Variants in FAM216B observed in about 807,000 individuals in gnomAD.
The protein encoded by FAM216B is protein FAM216B.
In FAM216B, 11 loss-of-function variants were observed where a neutral mutation model predicts 12.9. The observed-to-expected ratio is 0.86, with a 90% CI of 0.54 to 1.42. The LOEUF is 1.42. Among genes scored for constraint, FAM216B ranks in the 40% most tolerant of loss-of-function variants. The pLI is 0.00. For missense variants in FAM216B, 167 were observed against 162.9 expected (o/e 1.02, Z -0.14); for synonymous variants, 52 against 57.2 (o/e 0.91, Z 0.41).
rs1352313190 is a variant in FAM216B at position 42,789,820 on chromosome 13, C to G, written c.*1030C>G. The G allele has an allele frequency of 6.6e-6, 1 of 152,084 alleles. No homozygotes were observed. Among genetic ancestry groups the G allele is most frequent in the Non-Finnish European group, 1.5e-5 (1 of 68,024 alleles). The allele number at this position is 152,084 out of a possible 1,614,324, so 9.4% of individuals were successfully genotyped here. The stretch of plus-strand genomic sequence containing the variant: ...ATAAATTTTATTGACAAGGGATGTG[C>G]TAACATTGATCTGAAAGGAATATGC... On this transcript the variant is annotated 3_prime_UTR_variant, in exon 4 of 4. Coordinates refer to ENST00000313851, the MANE Select transcript of FAM216B (RefSeq NM_001318932.2).
intron 1 of FAM216B, among the ~76,000 whole-genome samples, chr13:42,783,710 A>C (rs576207373): frequency 6.6e-6 from 1 of 152,232 alleles, no homozygotes; most frequent in South Asian, 2.1e-4. Flanking sequence ...AGATATGAAA[A>C]TCAATATTAT....
rs1873958431 is a variant in FAM216B, at chr13:42,784,014, C to G, written c.-14-40C>G. ...AAGTACATCCCCAAAATTGGTTGAG[C>G]TAAAAGAAATTTTATGCTATGCTTT... On this transcript the variant is annotated intron_variant, in intron 1 of 3. Transcript: ENST00000313851. The G allele has an allele frequency of 4.9e-6, 7 of 1,428,788 alleles. No individual in the cohort carries two copies. The South Asian group carries it at 6.6e-5, about 14-fold the overall frequency. The allele number at this position is 1,428,788 out of a possible 1,614,324, so 88.5% of individuals were successfully genotyped here.
chr13:42,783,340 G>T (rs1873932383), intron 1 of FAM216B, among the ~76,000 whole-genome samples: 2 of 151,960 alleles, frequency 1.3e-5, no homozygotes, highest in East Asian at 3.9e-4. Flanking sequence ...ACAAATAAAA[G>T]GAAATCAACC....
At position 42,790,364 on chromosome 13, in the gene FAM216B, A is replaced by G. The variant is rs969935438; in HGVS notation, c.*1574A>G. 6.6e-6 allele frequency: 1 copy of G among 151,668 alleles called. No homozygotes were observed. Among genetic ancestry groups the G allele is most frequent in the African/African-American group, 2.4e-5 (1 of 41,260 alleles). The allele number at this position is 151,668 out of a possible 1,614,324, so 9.4% of individuals were successfully genotyped here. A position where few individuals can be genotyped will look rare whatever the true frequency, so the allele number is the denominator to read the frequency against. ...GATGAGCATAGGTATTTGCTGTGTA[A>G]GCCTTATCTAGTGATGCAGAATATC... On this transcript the variant is annotated 3_prime_UTR_variant, in exon 4 of 4. Coordinates refer to ENST00000313851, the MANE Select transcript of FAM216B (RefSeq NM_001318932.2).
At chr13:42,784,475 C>G (rs1873990042) in intron 2 of FAM216B, among the ~76,000 whole-genome samples, 1 of 151,622 alleles carries the variant, frequency 6.6e-6, no homozygotes, top group South Asian at 2.1e-4. Flanking sequence ...GCTGTTAGTT[C>G]CTTTTGGTCA....
In FAM216B at chr13:42,784,141, C is replaced by CCAT; in HGVS notation, c.76_78dup (p.Ile26dup). ...CTTCCTTTTATTCGAGTTCCTCCCT[C>CCAT]CATCTATGACACTTCCTTACTAAAG... On this transcript the variant is annotated inframe_insertion, in exon 2 of 4. Transcript: ENST00000313851. 4 of 1,563,098 alleles carry CCAT rather than the reference C, an allele frequency of 2.6e-6. No individual in the cohort carries two copies. The highest frequency in any genetic ancestry group is 3.5e-6 in the Non-Finnish European group (4 of 1,147,020).
Position 42,788,960 on chromosome 13 carries a change from G to C in FAM216B, c.*170G>C. ...TTGCCAGCAAGACCAAGAGGTTTAA[G>C]AGCAATGGAGCCGAGAGTAAGCAAG... On this transcript the variant is annotated 3_prime_UTR_variant, in exon 4 of 4. Coordinates refer to ENST00000313851, the MANE Select transcript of FAM216B (RefSeq NM_001318932.2). The C allele has an allele frequency of 3.4e-6, 2 of 585,104 alleles. No homozygotes were observed. The allele number at this position is 585,104 out of a possible 1,614,324, so 36.2% of individuals were successfully genotyped here. A position where few individuals can be genotyped will look rare whatever the true frequency, so the allele number is the denominator to read the frequency against.
chr13:42,786,772 C>A lies in FAM216B; in HGVS notation c.109C>A (p.Gln37Lys). The A allele has an allele frequency of 6.2e-7, 1 of 1,613,966 alleles. No homozygotes were observed. The highest frequency in any genetic ancestry group is 8.5e-7 in the Non-Finnish European group (1 of 1,179,910). ...YDTSLLKALNQGQQRYFYSIM... is the reference protein window; with the variant it reads ...YDTSLLKALNKGQQRYFYSIM... ...TGTTCTGTTCCAACAGGCCCTCAAC[C>A]AAGGGCAACAGCGCTACTTTTACAG... Residue 37 changes from glutamine (Q) to lysine (K), a missense_variant, in exon 3 of 4, where the codon CAA becomes AAA. By Grantham distance (53) the Gln-to-Lys change is moderately conservative. Transcript: ENST00000313851.
intron 3 of FAM216B, among the ~76,000 whole-genome samples, chr13:42,787,668 A>G (rs1206251228): frequency 2.0e-5 from 3 of 152,196 alleles, no homozygotes; most frequent in Non-Finnish European, 4.4e-5. Flanking sequence ...AGTGCTTTTT[A>G]AACAAAAATC....
chr13:42,784,998 C>A (rs1235966937), intron 2 of FAM216B, among the ~76,000 whole-genome samples: 1 of 152,116 alleles, frequency 6.6e-6, no homozygotes. Flanking sequence ...TAGGCATTTT[C>A]TGCTTTGTAA....
Position 42,787,022 on chromosome 13 carries a change from G to A in FAM216B, c.220+139G>A, listed in dbSNP as rs1336861326. The stretch of plus-strand genomic sequence containing the variant: ...TTTATCAACATAGCTGGTTAGCCAA[G>A]TTTCAAAGTGCTTATTCTTGACAAT... On this transcript the variant is annotated intron_variant, in intron 3 of 3. Coordinates refer to ENST00000313851, the MANE Select transcript of FAM216B (RefSeq NM_001318932.2). 5.4e-6 allele frequency: 7 copies of A among 1,303,552 alleles called. No individual in the cohort carries two copies. In the Admixed American group the frequency reaches 1.3e-4, roughly 23 times the overall value. 80.7% of individuals were successfully genotyped at this position (1,303,552 alleles called of 1,614,324 possible).
chr13:42,787,167 G>T (rs1427959128), intron 3 of FAM216B, among the ~76,000 whole-genome samples: 19 of 152,172 alleles, frequency 1.2e-4, no homozygotes. Flanking sequence ...ATGGGTCTGG[G>T]CTTAGAAAAC....
chr13:42,784,173 C>G lies in FAM216B; in HGVS notation c.99+7C>G. On this transcript the variant is annotated splice_region_variant and intron_variant, in intron 2 of 3. Transcript: ENST00000313851. Reference sequence around the variant, plus strand: ...TGACACTTCCTTACTAAAGGTATGGCTTTTTTTTTTTTTTTTTTTTCACAG... The same window carrying G: ...TGACACTTCCTTACTAAAGGTATGGGTTTTTTTTTTTTTTTTTTTTCACAG... 5.3e-6 allele frequency: 4 copies of G among 750,738 alleles called. No homozygotes were observed. The highest frequency in any genetic ancestry group is 7.2e-6 in the Non-Finnish European group (4 of 557,180). 46.5% of individuals were successfully genotyped at this position (750,738 alleles called of 1,614,324 possible).
chr13:42,782,995 G>GAA (rs369484341), intron 1 of FAM216B, among the ~76,000 whole-genome samples: 4 of 149,070 alleles, frequency 2.7e-5, no homozygotes, highest in Non-Finnish European at 6.0e-5. Context: ...AATGTACACA[G>GAA]AAAAAAAAAA....
At chr13:42,787,963 G>C (rs1272831218) in intron 3 of FAM216B, among the ~76,000 whole-genome samples, 2 of 152,112 alleles carry the variant, frequency 1.3e-5, no homozygotes, top group African/African-American at 4.8e-5. Flanking sequence ...GTATTTAATA[G>C]TAAACAGAGA....
At position 42,789,729 on chromosome 13, in the gene FAM216B, A is replaced by G. The variant is rs1250732989; in HGVS notation, c.*939A>G. 1 of 152,024 alleles carries G rather than the reference A, an allele frequency of 6.6e-6. No individual in the cohort carries two copies. Among genetic ancestry groups the G allele is most frequent in the Non-Finnish European group, 1.5e-5 (1 of 68,014 alleles). 9.4% of individuals were successfully genotyped at this position (152,024 alleles called of 1,614,324 possible). ...AACAAAAAAATGCTTCTTCCTCATC[A>G]TTGTAAAATACGTCACCCCATTCAA... On this transcript the variant is annotated 3_prime_UTR_variant, in exon 4 of 4. Coordinates refer to ENST00000313851, the MANE Select transcript of FAM216B (RefSeq NM_001318932.2).
At chr13:42,786,115 A>G (rs965863653) in intron 2 of FAM216B, among the ~76,000 whole-genome samples, 4 of 152,202 alleles carry the variant, frequency 2.6e-5, no homozygotes, top group African/African-American at 9.6e-5. Context: ...TCTTTTCACA[A>G]TCAGACTCTC....
intron 1 of FAM216B, among the ~76,000 whole-genome samples, chr13:42,782,197 T>C (rs933795925): frequency 9.2e-5 from 14 of 152,238 alleles, no homozygotes; most frequent in African/African-American, 3.4e-4. Context: ...CTCAAATCAG[T>C]CTCCACATGT....
At chr13:42,788,497 A>G in intron 3 of FAM216B, 94 bp from the exon 4 acceptor site, 1 of 1,030,870 alleles carries the variant, frequency 9.7e-7, no homozygotes, top group Non-Finnish European at 1.4e-6. Flanking sequence ...AGTAGAATAA[A>G]TTTTGTACAC....
Sources: allele counts gnomAD v4.1 joint callset (sites outside exome capture counted in the v4.1 genomes callset), GRCh38; gene constraint gnomAD v4.1.1; transcripts MANE v1.5; gene names NCBI Gene and HGNC (gene_info 2026-07-23, HGNC 2026-07-21).